The following CNTN6 variants were observed in gnomAD, a reference collection of about 807,000 sequenced individuals.
CNTN6 encodes contactin 6.
In CNTN6, 137 loss-of-function variants were observed where a neutral mutation model predicts 122.8. The ratio of observed to expected loss-of-function variants is 1.12; its 90% CI spans 0.97 to 1.29. CNTN6 has a LOEUF of 1.29. CNTN6 is among the 50% of genes most tolerant of loss of function. The probability of loss-of-function intolerance (pLI) is 0.00; values close to 1 mark genes in which losing one functional copy is unlikely to be tolerated. For missense variants in CNTN6, 1,634 were observed against 1,223.4 expected (o/e 1.34, Z -5.01); for synonymous variants, 570 against 426.0 (o/e 1.34, Z -4.16).
intron 5 of CNTN6, among the ~76,000 whole-genome samples, chr3:1,281,025 G>C (rs183978261): frequency 1.3e-5 from 2 of 152,094 alleles, no homozygotes; most frequent in Middle Eastern, 3.4e-3. Context: ...CTCTTGTGAG[G>C]GCTCACCTGA....
intron 2 of CNTN6, among the ~76,000 whole-genome samples, chr3:1,194,149 A>G (rs1358764790): frequency 6.6e-6 from 1 of 152,086 alleles, no homozygotes; most frequent in African/African-American, 2.4e-5. Flanking sequence ...ATTAATCCAG[A>G]AATGCTATTT....
intron 7 of CNTN6, among the ~76,000 whole-genome samples, chr3:1,317,872 A>G (rs1286211173): frequency 1.3e-5 from 2 of 148,594 alleles, no homozygotes; most frequent in African/African-American, 4.9e-5. Context: ...TTTGTAAGGA[A>G]AATAAAAATG....
chr3:1,153,671 T>C (rs988358829), intron 2 of CNTN6, among the ~76,000 whole-genome samples: 21 of 152,232 alleles, frequency 1.4e-4, no homozygotes, highest in African/African-American at 4.8e-4. Flanking sequence ...AAAGTATTTA[T>C]GATTGCTTGA....
At chr3:1,261,422 C>T (rs1035212441) in intron 4 of CNTN6, among the ~76,000 whole-genome samples, 4 of 152,094 alleles carry the variant, frequency 2.6e-5, no homozygotes, top group African/African-American at 9.7e-5. Context: ...CTATCAAGCA[C>T]ATCTCATTAT....
rs529925956 is a variant in CNTN6, at chr3:1,383,286, A to G, written c.2402-7A>G. ...TAAAGATGGTTATGTCTTTCTCTGG[A>G]TGGTAGAACCTCAACTGGCCCCAAG... On this transcript the variant is annotated splice_region_variant and splice_polypyrimidine_tract_variant and intron_variant, in intron 18 of 22. Coordinates refer to ENST00000446702, the MANE Select transcript of CNTN6 (RefSeq NM_001289080.2). The G allele has an allele frequency of 3.1e-6, 5 of 1,611,378 alleles. No homozygotes were observed. The highest frequency in any genetic ancestry group is 1.3e-5 in the African/African-American group (1 of 74,966).
chr3:1,162,479 CA>C (rs1261676758), intron 2 of CNTN6, among the ~76,000 whole-genome samples: 2 of 152,182 alleles, frequency 1.3e-5, no homozygotes, highest in African/African-American at 2.4e-5. Context: ...GTTCTAATAT[CA>C]AATCTGTGTG....
intron 5 of CNTN6, among the ~76,000 whole-genome samples, chr3:1,292,458 G>A (rs1428100190): frequency 2.0e-5 from 3 of 152,050 alleles, no homozygotes; most frequent in Non-Finnish European, 4.4e-5. Flanking sequence ...AATTGCATGC[G>A]TCATTTGGAG....
At chr3:1,342,854 T>C (rs1319608561) in intron 11 of CNTN6, among the ~76,000 whole-genome samples, 1 of 152,194 alleles carries the variant, frequency 6.6e-6, no homozygotes, top group Non-Finnish European at 1.5e-5. Flanking sequence ...GATTTGAATG[T>C]AGAGTTGACC....
At chr3:1,302,856 T>A (rs952525061) in intron 7 of CNTN6, among the ~76,000 whole-genome samples, 2 of 152,152 alleles carry the variant, frequency 1.3e-5, no homozygotes, top group Non-Finnish European at 2.9e-5. Context: ...TATTTGTTTG[T>A]TTTTTTCTCC....
At chr3:1,297,194 A>G (rs9872813) in intron 6 of CNTN6, among the ~76,000 whole-genome samples, 33,240 of 151,912 alleles carry the variant, frequency 0.22, 7,538 homozygotes, top group African/African-American at 0.58. Flanking sequence ...AATTATATTG[A>G]CCACCAACAA....
chr3:1,136,266 A>G (rs989493769), intron 1 of CNTN6, among the ~76,000 whole-genome samples: 1 of 152,114 alleles, frequency 6.6e-6, no homozygotes, highest in African/African-American at 2.4e-5. Context: ...TCTAAGACTT[A>G]CTCAAACTAC....
At chr3:1,350,797 C>A (rs970808268) in intron 11 of CNTN6, among the ~76,000 whole-genome samples, 2 of 151,728 alleles carry the variant, frequency 1.3e-5, no homozygotes, top group Admixed American at 1.3e-4. Flanking sequence ...CTGTGTTGCT[C>A]AATATTCCTA....
chr3:1,401,215 T>G (rs1161315988), intron 20 of CNTN6: 1 of 460,082 alleles, frequency 2.2e-6, no homozygotes, highest in Non-Finnish European at 3.8e-6. Context: ...AAGCCATTAT[T>G]AATTCATAAG....
At chr3:1,268,346 G>A (rs5025266) in intron 4 of CNTN6, among the ~76,000 whole-genome samples, 5 of 151,622 alleles carry the variant, frequency 3.3e-5, no homozygotes, top group South Asian at 2.1e-4. Flanking sequence ...GGTGGCTCAC[G>A]CTTGTAATCC....
At chr3:1,097,892 A>G (rs1046146486) in intron 1 of CNTN6, among the ~76,000 whole-genome samples, 2 of 152,200 alleles carry the variant, frequency 1.3e-5, no homozygotes, top group Non-Finnish European at 2.9e-5. Context: ...AATTATAATT[A>G]TCATCTAATC....
At chr3:1,324,113 T>G (rs933480068) in intron 8 of CNTN6, among the ~76,000 whole-genome samples, 10 of 149,686 alleles carry the variant, frequency 6.7e-5, no homozygotes, top group Admixed American at 4.6e-4. Flanking sequence ...CTTCTAAGTT[T>G]TGCCTTGATT....
rs964991257 is a variant in CNTN6 at position 1,289,850 on chromosome 3, G to A, written c.455-5751G>A. ...ACACCACGCCCAGCTAATGTTTTGT[G>A]TTTTTGGTAGAGACGGGGTTTCACC... On this transcript the variant is annotated intron_variant, in intron 5 of 22. Coordinates refer to ENST00000446702, the MANE Select transcript of CNTN6 (RefSeq NM_001289080.2). Among the ~76,000 whole-genome samples the A allele has an allele frequency of 9.2e-5, 14 of 151,480 alleles. No homozygotes were observed. In the East Asian group the frequency reaches 1.4e-3, roughly 15 times the overall value.
intron 4 of CNTN6, among the ~76,000 whole-genome samples, chr3:1,249,352 A>G (rs1290948500): frequency 6.6e-6 from 1 of 152,190 alleles, no homozygotes; most frequent in East Asian, 1.9e-4. Flanking sequence ...GCAGTAAGTA[A>G]AATAAGGTCT....
At chr3:1,387,171 C>T (rs1693139515) in intron 20 of CNTN6, among the ~76,000 whole-genome samples, 1 of 151,380 alleles carries the variant, frequency 6.6e-6, no homozygotes, top group South Asian at 2.1e-4. Flanking sequence ...GAAGCACAAA[C>T]AAGGTACTGA....
Sources: gnomAD v4.1 joint callset for allele counts (sites outside exome capture counted in the v4.1 genomes callset) on GRCh38, gnomAD v4.1.1 for gene constraint, MANE v1.5 for transcripts, NCBI Gene and HGNC (gene_info 2026-07-23, HGNC 2026-07-21) for gene names.